The following CRPPA variants were observed in gnomAD, a reference collection of about 807,000 sequenced individuals.
The protein encoded by CRPPA is CDP-L-ribitol pyrophosphorylase A, also known as D-ribitol-5-phosphate cytidylyltransferase.
In CRPPA, 43 loss-of-function variants were observed where a neutral mutation model predicts 52.0. That is an observed-to-expected ratio of 0.83 (90% CI 0.65 to 1.07). The LOEUF is 1.07. Among genes scored for constraint, CRPPA ranks in the 50% least tolerant of loss-of-function variants. CRPPA has a pLI of 0.00. For synonymous variants in CRPPA, 250 were observed against 203.5 expected (o/e 1.23, Z -1.94); for missense variants, 629 against 551.7 (o/e 1.14, Z -1.40).
chr7:16,288,406 TA>T lies in CRPPA; in HGVS notation c.836-10181del, dbSNP rs983651904. 3.9e-5 allele frequency among the ~76,000 whole-genome samples: 6 copies of T among 151,990 alleles called. No homozygotes were observed. In the East Asian group the frequency reaches 9.7e-4, roughly 24 times the overall value. ...TCTAAAAAAAAAATAAAACAAGCCT[TA>T]AAAAATATCTTTAACATAGTGTAAT... On this transcript the variant is annotated intron_variant, in intron 5 of 9. Transcript: ENST00000407010.
chr7:16,201,021 C>G (rs985984056), intron 9 of CRPPA, among the ~76,000 whole-genome samples: 4 of 151,976 alleles, frequency 2.6e-5, no homozygotes, highest in African/African-American at 9.7e-5. Flanking sequence ...AAAATTGCAA[C>G]ACACATATGA....
At chr7:16,381,292 T>C (rs1787080891) in intron 2 of CRPPA, among the ~76,000 whole-genome samples, 1 of 152,134 alleles carries the variant, frequency 6.6e-6, no homozygotes, top group African/African-American at 2.4e-5. Flanking sequence ...TCCATGTAGT[T>C]GAGTGGTTTT....
intron 3 of CRPPA, among the ~76,000 whole-genome samples, chr7:16,354,989 G>A (rs1353177358): frequency 6.6e-6 from 1 of 152,024 alleles, no homozygotes; most frequent in Non-Finnish European, 1.5e-5. Context: ...CAACTAATCA[G>A]CAAGAAAATA....
chr7:16,100,753 G>C (rs996339620), intron 9 of CRPPA, among the ~76,000 whole-genome samples: 2 of 152,146 alleles, frequency 1.3e-5, no homozygotes, highest in East Asian at 3.9e-4. Flanking sequence ...AATGCTTCCA[G>C]CTTTTGCCCA....
At chr7:16,300,238 G>T (rs1363522977) in intron 5 of CRPPA, among the ~76,000 whole-genome samples, 1 of 152,158 alleles carries the variant, frequency 6.6e-6, no homozygotes, top group African/African-American at 2.4e-5. Flanking sequence ...TCAGAGAAAA[G>T]ATTTTCATTT....
At chr7:16,209,273 C>CTTTTTTTTTTTTGTTTTTTTTTT (rs1782059745) in intron 9 of CRPPA, 1 of 122,066 alleles carries the variant, frequency 8.2e-6, no homozygotes. Context: ...TTCTAAGTGT[C>CTTTTTTTTTTTTGTTTTTTTTTT]TTTTTTTTTT....
intron 3 of CRPPA, among the ~76,000 whole-genome samples, chr7:16,350,475 C>T (rs973994126): frequency 6.6e-6 from 1 of 152,000 alleles, no homozygotes; most frequent in Non-Finnish European, 1.5e-5. Context: ...TAAATTTTGA[C>T]ATCAAAAACA....
chr7:16,107,755 G>T (rs969296560), intron 9 of CRPPA, among the ~76,000 whole-genome samples: 3 of 151,886 alleles, frequency 2.0e-5, no homozygotes, highest in African/African-American at 7.2e-5. Flanking sequence ...TAGTATGAGG[G>T]TTTTATACTA....
intron 9 of CRPPA, among the ~76,000 whole-genome samples, chr7:16,174,376 C>T (rs1393067668): frequency 6.6e-6 from 1 of 152,108 alleles, no homozygotes; most frequent in African/African-American, 2.4e-5. Context: ...CACAACTACT[C>T]AATTTTGCTG....
intron 2 of CRPPA, among the ~76,000 whole-genome samples, chr7:16,376,810 T>C (rs965847974): frequency 1.3e-5 from 2 of 152,220 alleles, no homozygotes; most frequent in Non-Finnish European, 2.9e-5. Context: ...TTGACTTCAA[T>C]TGCTATGATG....
chr7:16,159,676 C>T (rs1373107747), intron 9 of CRPPA, among the ~76,000 whole-genome samples: 1 of 152,168 alleles, frequency 6.6e-6, no homozygotes, highest in Non-Finnish European at 1.5e-5. Flanking sequence ...CATAAGTATG[C>T]ATGTGTCTTC....
intron 9 of CRPPA, among the ~76,000 whole-genome samples, chr7:16,168,744 T>G (rs1781118097): frequency 6.6e-6 from 1 of 152,148 alleles, no homozygotes; most frequent in Non-Finnish European, 1.5e-5. Context: ...ATTGTCTTGT[T>G]CAATGTTAGC....
intron 3 of CRPPA, among the ~76,000 whole-genome samples, chr7:16,344,996 T>A (rs931117725): frequency 1.3e-5 from 2 of 152,126 alleles, no homozygotes; most frequent in Middle Eastern, 3.4e-3. Context: ...AATCTACATA[T>A]CCAAGAAGCT....
Position 16,213,432 on chromosome 7 carries a change from T to C in CRPPA, c.1251+2634A>G, listed in dbSNP as rs746559464. ...ACTTATTTATAATAATTCTCAACAA[T>C]CTTTTACAAATTTTTTTTTAAAAAA... On this transcript the variant is annotated intron_variant, in intron 9 of 9. Coordinates refer to ENST00000407010, the MANE Select transcript of CRPPA (RefSeq NM_001101426.4). Among the ~76,000 whole-genome samples the C allele has an allele frequency of 8.7e-4, 133 of 152,148 alleles. 2 individuals carry two copies. The highest frequency in any genetic ancestry group is 4.6e-4 in the Admixed American group (7 of 15,274).
rs775248815 is a variant in CRPPA, at chr7:16,258,911, T to C, written c.1026+9A>G. ...CCTTAAGTGCCTTCAATCATTTGAA[T>C]TGACTTACATTCACACAAACAAAAT... On this transcript the variant is annotated intron_variant, in intron 7 of 9. Coordinates refer to ENST00000407010, the MANE Select transcript of CRPPA (RefSeq NM_001101426.4). 8 of 1,584,940 alleles carry C rather than the reference T, an allele frequency of 5.0e-6. No homozygotes were observed. Among genetic ancestry groups the C allele is most frequent in the Non-Finnish European group, 5.2e-6 (6 of 1,159,050 alleles).
At chr7:16,306,573 G>A (rs1205908422) in intron 4 of CRPPA, among the ~76,000 whole-genome samples, 1 of 152,190 alleles carries the variant, frequency 6.6e-6, no homozygotes, top group African/African-American at 2.4e-5. Context: ...TGCAAAAGAG[G>A]TAAATAATCA....
chr7:16,291,940 A>C (rs1432045206), intron 5 of CRPPA, among the ~76,000 whole-genome samples: 1 of 151,822 alleles, frequency 6.6e-6, no homozygotes, highest in Non-Finnish European at 1.5e-5. Flanking sequence ...ATATACATAC[A>C]TTTACTTATT....
rs190732222 is a variant in CRPPA at position 16,103,425 on chromosome 7, C to T, written c.1252-11626G>A. ...CTTTGTAACAAACCTCAACATTCTG[C>T]ACATGTATCCCAGAACTTAAAGTAT... On this transcript the variant is annotated intron_variant, in intron 9 of 9. Coordinates refer to ENST00000407010, the MANE Select transcript of CRPPA (RefSeq NM_001101426.4). Among the ~76,000 whole-genome samples, 12 of 152,162 alleles carry T rather than the reference C, an allele frequency of 7.9e-5. No individual in the cohort carries two copies. In the East Asian group the frequency reaches 2.3e-3, roughly 29 times the overall value.
chr7:16,420,915 G>T, intron 1 of CRPPA, 151 bp downstream of exon 1: 1 of 659,384 alleles, frequency 1.5e-6, no homozygotes, highest in Non-Finnish European at 2.2e-6. Context: ...TCCCATCTCT[G>T]AAATGCGGGA....
Sources: allele counts gnomAD v4.1 joint callset (sites outside exome capture counted in the v4.1 genomes callset), GRCh38; gene constraint gnomAD v4.1.1; transcripts MANE v1.5; gene names NCBI Gene and HGNC (gene_info 2026-07-23, HGNC 2026-07-21).